ALK: variants seen among roughly 807,000 people sequenced by gnomAD.
The protein encoded by ALK is ALK receptor tyrosine kinase.
Under a neutral mutation model 163.1 loss-of-function variants are expected in ALK, and 74 were observed. The ratio of observed to expected loss-of-function variants is 0.45; its 90% CI spans 0.38 to 0.55. The LOEUF (loss-of-function observed/expected upper bound fraction) is 0.55, where lower values mean the gene tolerates loss of function less well. Ranked by LOEUF, ALK falls within the 20% of genes least tolerant of loss-of-function variation. The pLI is 0.00. For missense variants in ALK, 2,063 were observed against 2,105.3 expected (o/e 0.98, Z 0.39); for synonymous variants, 960 against 843.2 (o/e 1.14, Z -2.40).
intron 5 of ALK, among the ~76,000 whole-genome samples, chr2:29,338,428 C>A (rs1667689871): frequency 6.6e-6 from 1 of 152,194 alleles, no homozygotes; most frequent in Non-Finnish European, 1.5e-5. Context: ...CATGTCCCTT[C>A]ACATCTTTAG....
At chr2:29,667,094 T>C (rs1324568437) in intron 3 of ALK, among the ~76,000 whole-genome samples, 2 of 152,162 alleles carry the variant, frequency 1.3e-5, no homozygotes, top group African/African-American at 4.8e-5. Flanking sequence ...GATGGGCACT[T>C]AGGTTGAGTC....
intron 1 of ALK, among the ~76,000 whole-genome samples, chr2:29,748,437 A>G (rs879501100): frequency 1.2e-4 from 18 of 152,198 alleles, no homozygotes; most frequent in Non-Finnish European, 2.4e-4. Context: ...TGGTGATCAT[A>G]TTGGAAATGC....
chr2:29,536,358 C>G (rs1443546002), intron 3 of ALK, among the ~76,000 whole-genome samples: 1 of 150,650 alleles, frequency 6.6e-6, no homozygotes, highest in East Asian at 1.9e-4. Flanking sequence ...CTAGGACCTC[C>G]CCTCCTTTCT....
chr2:29,688,187 C>G (rs1678293275), intron 3 of ALK, among the ~76,000 whole-genome samples: 1 of 152,180 alleles, frequency 6.6e-6, no homozygotes, highest in African/African-American at 2.4e-5. Context: ...TGAGGCCTTA[C>G]TGGTGAAGGA....
intron 16 of ALK, 137 bp downstream of exon 16, chr2:29,228,747 C>T (rs1336993093): frequency 2.5e-5 from 16 of 639,524 alleles, no homozygotes; most frequent in Admixed American, 1.8e-4. Context: ...CCAGGCAGGT[C>T]GAGAGGGAGG....
chr2:29,213,044 A>ATATT (rs1300376179), intron 24 of ALK, among the ~76,000 whole-genome samples: 4 of 152,214 alleles, frequency 2.6e-5, no homozygotes, highest in African/African-American at 9.7e-5. Context: ...TTGTACTTAC[A>ATATT]TATTTTAATT....
At chr2:29,340,411 A>G (rs1667754597) in intron 5 of ALK, among the ~76,000 whole-genome samples, 1 of 152,162 alleles carries the variant, frequency 6.6e-6, no homozygotes, top group Non-Finnish European at 1.5e-5. Context: ...GATCATGGGT[A>G]GTGGCCCCTT....
At chr2:29,818,543 G>A (rs11897527) in intron 1 of ALK, among the ~76,000 whole-genome samples, 19,119 of 152,340 alleles carry the variant, frequency 0.13, 1,229 homozygotes, top group South Asian at 0.31. Flanking sequence ...CAGCTCTGGA[G>A]CCTCAATCTG....
At chr2:29,765,749 C>T (rs557658875) in intron 1 of ALK, among the ~76,000 whole-genome samples, 1 of 152,136 alleles carries the variant, frequency 6.6e-6, no homozygotes, top group Admixed American at 6.5e-5. Flanking sequence ...AGGTTTTTCT[C>T]TTAATATTTA....
At chr2:29,214,360 C>T (rs1669545995) in intron 23 of ALK, among the ~76,000 whole-genome samples, 1 of 152,142 alleles carries the variant, frequency 6.6e-6, no homozygotes. Context: ...GCTCGGAACA[C>T]CCAGACTCCG....
At chr2:29,247,815 C>CA (rs1384261298) in intron 12 of ALK, among the ~76,000 whole-genome samples, 7 of 152,100 alleles carry the variant, frequency 4.6e-5, no homozygotes, top group Non-Finnish European at 8.8e-5. Flanking sequence ...GCCATGCCTC[C>CA]AGGATGGGTG....
chr2:29,388,067 C>CA (rs1422495256), intron 4 of ALK, among the ~76,000 whole-genome samples: 2 of 152,124 alleles, frequency 1.3e-5, no homozygotes, highest in Admixed American at 6.5e-5. Flanking sequence ...GAAAAATCTA[C>CA]AAAAAAATCA....
intron 1 of ALK, among the ~76,000 whole-genome samples, chr2:29,789,055 G>GTGTGTGTGTGTGTGTGTC (rs1664121150): frequency 6.7e-6 from 1 of 150,148 alleles, no homozygotes; most frequent in East Asian, 1.9e-4. Context: ...GTGTGTGTGT[G>GTGTGTGTGTGTGTGTGTC]TCTGTATGCA....
intron 4 of ALK, among the ~76,000 whole-genome samples, chr2:29,522,050 T>C (rs936441698): frequency 5.9e-5 from 9 of 152,202 alleles, no homozygotes; most frequent in African/African-American, 2.2e-4. Context: ...GCAGCTGGGA[T>C]TTATAAACAA....
At chr2:29,871,206 A>G (rs1185532222) in intron 1 of ALK, among the ~76,000 whole-genome samples, 1 of 152,192 alleles carries the variant, frequency 6.6e-6, no homozygotes, top group Non-Finnish European at 1.5e-5. Context: ...TTAAGCCTAC[A>G]GCCAACCACC....
intron 1 of ALK, among the ~76,000 whole-genome samples, chr2:29,835,054 G>C (rs1665521437): frequency 6.6e-6 from 1 of 152,236 alleles, no homozygotes; most frequent in Non-Finnish European, 1.5e-5. Context: ...GGCGGGGCTG[G>C]TGAGTGGGTA....
At chr2:29,743,146 G>C (rs1235233085) in intron 1 of ALK, among the ~76,000 whole-genome samples, 1 of 152,200 alleles carries the variant, frequency 6.6e-6, no homozygotes, top group African/African-American at 2.4e-5. Flanking sequence ...CCATGGGTAG[G>C]AGCGGGGATG....
At chr2:29,337,283 C>G (rs752351123) in intron 5 of ALK, among the ~76,000 whole-genome samples, 1 of 152,050 alleles carries the variant, frequency 6.6e-6, no homozygotes, top group Non-Finnish European at 1.5e-5. Flanking sequence ...TGTAAATCAG[C>G]GAGGAGCGGG....
At chr2:29,255,809 G>A (rs771101502) in intron 11 of ALK, among the ~76,000 whole-genome samples, 5 of 152,118 alleles carry the variant, frequency 3.3e-5, no homozygotes, top group Non-Finnish European at 5.9e-5. Flanking sequence ...TGCATAAGGG[G>A]ACTCTTGTTA....
Sources: allele counts gnomAD v4.1 joint callset (sites outside exome capture counted in the v4.1 genomes callset), GRCh38; gene constraint gnomAD v4.1.1; transcripts MANE v1.5; gene names NCBI Gene and HGNC (gene_info 2026-07-23, HGNC 2026-07-21).